The following ATOSA variants were observed in gnomAD, a reference collection of about 807,000 sequenced individuals.
The protein encoded by ATOSA is atos homolog A.
At chr15:52,670,948 G>GT in the ATOSA span, among the ~76,000 whole-genome samples, 9 of 152,000 alleles carry the variant, frequency 5.9e-5, no homozygotes, top group Non-Finnish European at 7.4e-5. Context: ...AATCCTTTGA[G>GT]TTTTTTTTCC....
At chr15:52,697,792 A>G in the ATOSA span, among the ~76,000 whole-genome samples, 1 of 151,970 alleles carries the variant, frequency 6.6e-6, no homozygotes, top group Non-Finnish European at 1.5e-5. Context: ...AGAAACTTGA[A>G]AAGATAGATA....
At chr15:52,613,638 T>C in the ATOSA span, 3 of 1,592,100 alleles carry the variant, frequency 1.9e-6, no homozygotes, top group South Asian at 1.1e-5. Context: ...CTAGTTTATA[T>C]AAAAGATACA....
At chr15:52,639,930 TG>T in the ATOSA span, among the ~76,000 whole-genome samples, 2 of 151,366 alleles carry the variant, frequency 1.3e-5, no homozygotes, top group African/African-American at 4.9e-5. Flanking sequence ...TTTTTTTTTT[TG>T]GTATTTTTAG....
chr15:52,655,562 C>A, the ATOSA span, among the ~76,000 whole-genome samples: 1 of 152,112 alleles, frequency 6.6e-6, no homozygotes, highest in South Asian at 2.1e-4. Flanking sequence ...GCTTTTTGAT[C>A]TTAAGCACTT....
chr15:52,662,131 C>A, the ATOSA span, among the ~76,000 whole-genome samples: 165 of 152,198 alleles, frequency 1.1e-3, 1 homozygote, highest in African/African-American at 3.6e-3. Flanking sequence ...TGCTCTACCA[C>A]AATATACTGA....
At chr15:52,695,228 A>C in the ATOSA span, among the ~76,000 whole-genome samples, 1 of 152,112 alleles carries the variant, frequency 6.6e-6, no homozygotes, top group Non-Finnish European at 1.5e-5. Flanking sequence ...CCTGGCCCTG[A>C]CTACTTTTTA....
chr15:52,652,062 A>AG, the ATOSA span: 1 of 1,462,454 alleles, frequency 6.8e-7, no homozygotes, highest in Non-Finnish European at 9.0e-7. Flanking sequence ...CAAAGGCAGC[A>AG]GAGTAAGAGC....
the ATOSA span, among the ~76,000 whole-genome samples, chr15:52,639,660 T>C: frequency 6.6e-6 from 1 of 152,218 alleles, no homozygotes; most frequent in Non-Finnish European, 1.5e-5. Context: ...TGGTTTGTGC[T>C]TGTGGATCAA....
At chr15:52,671,721 C>A in the ATOSA span, among the ~76,000 whole-genome samples, 4 of 151,720 alleles carry the variant, frequency 2.6e-5, no homozygotes, top group African/African-American at 9.7e-5. Context: ...TGAGAGAAAA[C>A]CTCTCTGAAA....
At chr15:52,581,441 G>A in the ATOSA span, 2 of 152,160 alleles carry the variant, frequency 1.3e-5, no homozygotes, top group Non-Finnish European at 2.9e-5. Context: ...AGACTCTATA[G>A]TAGTGATTAA....
the ATOSA span, chr15:52,678,416 C>A: frequency 4.4e-6 from 1 of 228,680 alleles, no homozygotes; most frequent in Non-Finnish European, 8.7e-6. Flanking sequence ...AAGATTTGAG[C>A]AACACAAACT....
the ATOSA span, among the ~76,000 whole-genome samples, chr15:52,607,761 A>G: frequency 6.6e-6 from 1 of 152,238 alleles, no homozygotes; most frequent in East Asian, 1.9e-4. Context: ...TGAACGTTAT[A>G]TACAAGCAAT....
chr15:52,666,914 T>C, the ATOSA span, among the ~76,000 whole-genome samples: 1 of 151,694 alleles, frequency 6.6e-6, no homozygotes, highest in Admixed American at 6.6e-5. Context: ...CTTTGAAGGA[T>C]GGTCCGAGAA....
chr15:52,664,298 T>A, the ATOSA span, among the ~76,000 whole-genome samples: 1 of 152,198 alleles, frequency 6.6e-6, no homozygotes, highest in Non-Finnish European at 1.5e-5. Flanking sequence ...TTTATTATAG[T>A]TACAGTTCTA....
At chr15:52,663,371 A>G in the ATOSA span, among the ~76,000 whole-genome samples, 1 of 152,172 alleles carries the variant, frequency 6.6e-6, no homozygotes, top group Non-Finnish European at 1.5e-5. Context: ...CAGTTCTCAA[A>G]TGTCCTGCAT....
At chr15:52,626,962 T>C in the ATOSA span, among the ~76,000 whole-genome samples, 2 of 152,240 alleles carry the variant, frequency 1.3e-5, no homozygotes, top group Non-Finnish European at 2.9e-5. Flanking sequence ...TAATTCCCAA[T>C]CCCAGTTTTC....
chr15:52,655,517 G>A, the ATOSA span, among the ~76,000 whole-genome samples: 1 of 152,098 alleles, frequency 6.6e-6, no homozygotes, highest in Non-Finnish European at 1.5e-5. Context: ...AGGGACCATC[G>A]ATGTGGGTTC....
chr15:52,681,213 A>C, the ATOSA span, among the ~76,000 whole-genome samples: 1 of 152,250 alleles, frequency 6.6e-6, no homozygotes, highest in Admixed American at 6.5e-5. Context: ...CAAAAATTTG[A>C]AATCATTATG....
the ATOSA span, among the ~76,000 whole-genome samples, chr15:52,663,979 A>C: frequency 3.6e-3 from 555 of 152,348 alleles, 2 homozygotes; most frequent in African/African-American, 0.013. Context: ...CAAAAATTCA[A>C]ATTCATTGCA....
Sources: allele counts gnomAD v4.1 joint callset (sites outside exome capture counted in the v4.1 genomes callset), GRCh38; gene constraint gnomAD v4.1.1; transcripts MANE v1.5; gene names NCBI Gene and HGNC (gene_info 2026-07-23, HGNC 2026-07-21).